Variants in VWC2L observed in about 807,000 individuals in gnomAD.
VWC2L encodes von Willebrand factor C domain-containing protein 2-like.
In VWC2L, 10 loss-of-function variants were observed where a neutral mutation model predicts 21.6. That is an observed-to-expected ratio of 0.46 (90% CI 0.29 to 0.78). The LOEUF (loss-of-function observed/expected upper bound fraction) is 0.78, where lower values mean the gene tolerates loss of function less well. Among genes scored for constraint, VWC2L ranks in the 30% least tolerant of loss-of-function variants. The probability of loss-of-function intolerance (pLI) is 0.10; values close to 1 mark genes in which losing one functional copy is unlikely to be tolerated. For missense variants in VWC2L, 209 were observed against 277.1 expected (o/e 0.75, Z 1.74); for synonymous variants, 96 against 94.3 (o/e 1.02, Z -0.10).
At chr2:214,436,009 T>C (rs1702673308) in intron 2 of VWC2L, among the ~76,000 whole-genome samples, 1 of 152,140 alleles carries the variant, frequency 6.6e-6, no homozygotes, top group Non-Finnish European at 1.5e-5. Context: ...AGTCGATTTG[T>C]TCATTCATAA....
Position 214,414,170 on chromosome 2 carries a change from A to G in VWC2L, c.-24A>G, listed in dbSNP as rs1464112099. ...TGAGTATATTTAATATTAGGAGCAC[A>G]TCCAGAAGTCTTTGAAGAGGGGGAT... On this transcript the variant is annotated 5_prime_UTR_variant, in exon 2 of 4. Transcript: ENST00000312504. 1.9e-6 allele frequency: 3 copies of G among 1,599,368 alleles called. No individual in the cohort carries two copies. The African/African-American group carries it at 4.1e-5, about 22-fold the overall frequency.
At chr2:214,501,282 C>T (rs1423800081) in intron 3 of VWC2L, among the ~76,000 whole-genome samples, 4 of 152,102 alleles carry the variant, frequency 2.6e-5, no homozygotes, top group African/African-American at 4.8e-5. Flanking sequence ...ACTGTCACTA[C>T]CACCTGGAAA....
chr2:214,525,271 G>GA (rs1426093052), intron 3 of VWC2L: 3 of 152,098 alleles, frequency 2.0e-5, no homozygotes, highest in Non-Finnish European at 4.4e-5. Flanking sequence ...CAGGTGAGGG[G>GA]ACCAGGAGAA....
At chr2:214,496,542 GAAT>G (rs1688816143) in intron 3 of VWC2L, among the ~76,000 whole-genome samples, 1 of 152,072 alleles carries the variant, frequency 6.6e-6, no homozygotes, top group Non-Finnish European at 1.5e-5. Context: ...CTATTCCTAA[GAAT>G]ACGTTCAACA....
intron 3 of VWC2L, 97 bp from the exon 4 acceptor site, chr2:214,575,575 C>T (rs748718902): frequency 1.4e-6 from 2 of 1,380,264 alleles, no homozygotes; most frequent in Non-Finnish European, 2.0e-6. Context: ...AGTAGTCTGA[C>T]TTACTCATTT....
chr2:214,548,369 A>T (rs1311450317), intron 3 of VWC2L, among the ~76,000 whole-genome samples: 1 of 152,236 alleles, frequency 6.6e-6, no homozygotes, highest in African/African-American at 2.4e-5. Flanking sequence ...AAAAAAATGC[A>T]TGTTGGCAGA....
intron 3 of VWC2L, among the ~76,000 whole-genome samples, chr2:214,549,542 A>G (rs1466744673): frequency 6.6e-6 from 1 of 152,240 alleles, no homozygotes; most frequent in Non-Finnish European, 1.5e-5. Context: ...TGGGACGTCA[A>G]GACAGGCGGA....
At chr2:214,445,743 T>C (rs1702828390) in intron 3 of VWC2L, among the ~76,000 whole-genome samples, 1 of 152,000 alleles carries the variant, frequency 6.6e-6, no homozygotes, top group South Asian at 2.1e-4. Context: ...ATATTATCCT[T>C]GTGATTTAAA....
intron 3 of VWC2L, among the ~76,000 whole-genome samples, chr2:214,567,042 T>C (rs1357694122): frequency 6.6e-6 from 1 of 152,196 alleles, no homozygotes; most frequent in Non-Finnish European, 1.5e-5. Context: ...AGGATGTTTA[T>C]GGCTTTACAC....
In VWC2L at chr2:214,577,800, G is replaced by A. The variant is rs1690256691; in HGVS notation, c.*1980G>A. 5 of 152,216 alleles carry A rather than the reference G, an allele frequency of 3.3e-5. No homozygotes were observed. The highest frequency in any genetic ancestry group is 1.9e-4 in the East Asian group (1 of 5,174). The allele number at this position is 152,216 out of a possible 1,614,324, so 9.4% of individuals were successfully genotyped here. ...AAGAGTTGTCATTTCCAAAATTAAC[G>A]TGCTGACGAGTCAGACCTGACATTC... On this transcript the variant is annotated 3_prime_UTR_variant, in exon 4 of 4. Transcript: ENST00000312504.
At chr2:214,553,643 G>T (rs1689830734) in intron 3 of VWC2L, among the ~76,000 whole-genome samples, 2 of 152,156 alleles carry the variant, frequency 1.3e-5, no homozygotes, top group Non-Finnish European at 2.9e-5. Context: ...CAGACTTAAA[G>T]AACATGTTTT....
chr2:214,545,608 A>T (rs1426549485), intron 3 of VWC2L, among the ~76,000 whole-genome samples: 1 of 152,214 alleles, frequency 6.6e-6, no homozygotes. Context: ...GAGCTGCCAG[A>T]AATCTAAGGA....
chr2:214,508,117 T>C lies in VWC2L; in HGVS notation c.521-67555T>C, dbSNP rs567712703. ...TCAGCCTCCCAAGTAGCTGGGACTA[T>C]AAGCGCCCACCACCGTGCCCGGCTA... is the stretch of plus-strand genomic sequence containing the variant. On this transcript the variant is annotated intron_variant, in intron 3 of 3. Coordinates refer to ENST00000312504, the MANE Select transcript of VWC2L (RefSeq NM_001080500.4). Among the ~76,000 whole-genome samples, 35 of 151,912 alleles carry C rather than the reference T, an allele frequency of 2.3e-4. No individual in the cohort carries two copies. The South Asian group carries it at 6.2e-3, about 27-fold the overall frequency.
chr2:214,562,320 A>C, intron 3 of VWC2L, among the ~76,000 whole-genome samples: 1 of 152,190 alleles, frequency 6.6e-6, no homozygotes, highest in East Asian at 1.9e-4. Flanking sequence ...AAAAGACGTG[A>C]TGTCATTCCA....
intron 3 of VWC2L, among the ~76,000 whole-genome samples, chr2:214,501,242 C>T (rs887000158): frequency 1.3e-5 from 2 of 152,100 alleles, no homozygotes; most frequent in Non-Finnish European, 2.9e-5. Flanking sequence ...AAAAGCCACT[C>T]CACCTTCCCT....
At chr2:214,523,182 A>C (rs1450358904) in intron 3 of VWC2L, among the ~76,000 whole-genome samples, 1 of 152,210 alleles carries the variant, frequency 6.6e-6, no homozygotes, top group African/African-American at 2.4e-5. Context: ...TTTTAACTCC[A>C]GTCTCTGCTA....
intron 3 of VWC2L, among the ~76,000 whole-genome samples, chr2:214,490,720 A>G (rs569302028): frequency 2.4e-4 from 37 of 152,222 alleles, no homozygotes; most frequent in Non-Finnish European, 4.6e-4. Context: ...AGTTTACGAA[A>G]AAAAGAACCT....
chr2:214,564,789 C>G (rs1690036828), intron 3 of VWC2L, among the ~76,000 whole-genome samples: 1 of 152,078 alleles, frequency 6.6e-6, no homozygotes, highest in Admixed American at 6.5e-5. Flanking sequence ...TTTTATGCCC[C>G]AAACCAAATA....
At chr2:214,554,761 T>C (rs917129283) in intron 3 of VWC2L, among the ~76,000 whole-genome samples, 6 of 152,168 alleles carry the variant, frequency 3.9e-5, no homozygotes, top group Non-Finnish European at 8.8e-5. Flanking sequence ...CAAAACAGAC[T>C]CTTTGTAGCA....
Sources: allele counts gnomAD v4.1 joint callset (sites outside exome capture counted in the v4.1 genomes callset), GRCh38; gene constraint gnomAD v4.1.1; transcripts MANE v1.5; gene names NCBI Gene and HGNC (gene_info 2026-07-23, HGNC 2026-07-21).